Variants in THADA observed in about 807,000 individuals in gnomAD.
THADA encodes tRNA (32-2'-O)-methyltransferase regulator THADA.
In THADA, 213 loss-of-function variants were observed where a neutral mutation model predicts 219.8. The observed-to-expected ratio is 0.97, with a 90% CI of 0.87 to 1.09. THADA has a LOEUF of 1.09. Among genes scored for constraint, THADA ranks in the 50% least tolerant of loss-of-function variants. The pLI is 0.00. For missense variants in THADA, 2,956 were observed against 2,311.3 expected (o/e 1.28, Z -5.72); for synonymous variants, 1,018 against 828.9 (o/e 1.23, Z -3.92).
In THADA at chr2:43,552,180, G is replaced by T. The variant is rs199982721; in HGVS notation, c.2810+24C>A. 1.8e-4 allele frequency: 284 copies of T among 1,596,424 alleles called. 1 individual carries two copies. The highest frequency in any genetic ancestry group is 1.4e-3 in the African/African-American group (105 of 74,648). On this transcript the variant is annotated intron_variant, in intron 18 of 37. Coordinates refer to ENST00000405975, the MANE Select transcript of THADA (RefSeq NM_022065.5). The stretch of plus-strand genomic sequence containing the variant: ...CAGAAATGAATGGATTTCTGAGACA[G>T]GAGGCAGCTGTGGAAATCCTTACTT...
At chr2:43,556,868 C>T (rs145418254) in intron 16 of THADA, among the ~76,000 whole-genome samples, 2,559 of 152,242 alleles carry the variant, frequency 0.017, 24 homozygotes, top group Non-Finnish European at 0.027. Context: ...AGTCTTGAGA[C>T]CAGCCTGGGC....
At chr2:43,514,654 A>C (rs1691001006) in intron 22 of THADA, among the ~76,000 whole-genome samples, 1 of 90,936 alleles carries the variant, frequency 1.1e-5, no homozygotes, top group South Asian at 3.0e-4. Flanking sequence ...TAATATATAT[A>C]TTGTATATAA....
intron 31 of THADA, among the ~76,000 whole-genome samples, chr2:43,313,176 T>C (rs1677702006): frequency 6.6e-6 from 1 of 152,222 alleles, no homozygotes; most frequent in Admixed American, 6.5e-5. Context: ...GATTTTACCA[T>C]TTAAGCATCA....
intron 28 of THADA, among the ~76,000 whole-genome samples, chr2:43,404,257 A>G (rs970316109): frequency 6.6e-6 from 1 of 151,782 alleles, no homozygotes; most frequent in African/African-American, 2.4e-5. Flanking sequence ...CAGTGGTTTG[A>G]TCATAGCTCA....
At chr2:43,478,745 T>G (rs1685835129) in intron 26 of THADA, among the ~76,000 whole-genome samples, 1 of 152,212 alleles carries the variant, frequency 6.6e-6, no homozygotes, top group African/African-American at 2.4e-5. Context: ...AGTCAATATT[T>G]AAGAACACAA....
At chr2:43,592,938 T>G (rs1045173549) in intron 1 of THADA, 1 of 152,284 alleles carries the variant, frequency 6.6e-6, no homozygotes. Context: ...CTCTTGAGTT[T>G]GCTTTTATCG....
intron 30 of THADA, among the ~76,000 whole-genome samples, chr2:43,323,184 C>T (rs758338549): frequency 6.6e-6 from 1 of 151,986 alleles, no homozygotes; most frequent in Non-Finnish European, 1.5e-5. Flanking sequence ...CTCTGTTGCT[C>T]AGGCTGAAGT....
At chr2:43,453,620 G>A (rs538137815) in intron 26 of THADA, among the ~76,000 whole-genome samples, 2 of 152,154 alleles carry the variant, frequency 1.3e-5, no homozygotes, top group South Asian at 2.1e-4. Context: ...CCTGTTTTTG[G>A]TTTTCTCACA....
chr2:43,332,174 C>T (rs191637901), intron 30 of THADA, among the ~76,000 whole-genome samples: 1 of 152,356 alleles, frequency 6.6e-6, no homozygotes, highest in African/African-American at 2.4e-5. Context: ...CAACCTCCAA[C>T]TCCCAGGTTC....
chr2:43,235,330 G>A (rs1013036050), intron 36 of THADA, among the ~76,000 whole-genome samples: 1 of 151,014 alleles, frequency 6.6e-6, no homozygotes, highest in Non-Finnish European at 1.5e-5. Context: ...TTTCGCTCTT[G>A]TTGCCCAGGC....
At position 43,476,203 on chromosome 2, in the gene THADA, G is replaced by A. The variant is rs184929435; in HGVS notation, c.3836+9031C>T. On this transcript the variant is annotated intron_variant, in intron 26 of 37. Transcript: ENST00000405975. ...AGATATGAAGAAAAGTGTGTAGAGT[G>A]TGGAGGTGGGAACATGGGAACATAA... Among the ~76,000 whole-genome samples the A allele has an allele frequency of 5.1e-3, 782 of 152,144 alleles. 1 individual carries two copies. The highest frequency in any genetic ancestry group is 8.0e-3 in the Non-Finnish European group (543 of 67,996).
chr2:43,291,867 A>G, intron 33 of THADA, 99 bp from the exon 34 acceptor site: 1 of 1,094,612 alleles, frequency 9.1e-7, no homozygotes, highest in South Asian at 1.8e-5. Flanking sequence ...GCAGAGGTGA[A>G]TACTGAAAAT....
chr2:43,321,103 G>T (rs1678652489), intron 30 of THADA, among the ~76,000 whole-genome samples: 1 of 152,166 alleles, frequency 6.6e-6, no homozygotes, highest in Non-Finnish European at 1.5e-5. Context: ...AATATATGGA[G>T]CAGCTCTTTG....
At chr2:43,426,672 T>A (rs888870215) in intron 28 of THADA, among the ~76,000 whole-genome samples, 5 of 152,212 alleles carry the variant, frequency 3.3e-5, no homozygotes, top group African/African-American at 1.2e-4. Context: ...TGCAAGCGCA[T>A]GCCAGAACCT....
At chr2:43,362,590 C>G (rs555224726) in intron 29 of THADA, among the ~76,000 whole-genome samples, 14 of 152,240 alleles carry the variant, frequency 9.2e-5, no homozygotes, top group South Asian at 6.2e-4. Context: ...CTGGGTGAGT[C>G]AGTGAGTGAG....
At chr2:43,567,499 G>C (rs780508385) in intron 14 of THADA, among the ~76,000 whole-genome samples, 1 of 151,946 alleles carries the variant, frequency 6.6e-6, no homozygotes, top group African/African-American at 2.4e-5. Flanking sequence ...TGGTGGCAGA[G>C]GCCTGTAGTC....
At chr2:43,488,626 A>G (rs771988268) in intron 25 of THADA, among the ~76,000 whole-genome samples, 7 of 152,188 alleles carry the variant, frequency 4.6e-5, no homozygotes, top group African/African-American at 1.7e-4. Context: ...TATTATGAAT[A>G]ATTTTGCTAA....
At chr2:43,581,956 A>T (rs1247418050) in intron 7 of THADA, 28 bp from the exon 8 acceptor site, 1 of 1,475,982 alleles carries the variant, frequency 6.8e-7, no homozygotes, top group Non-Finnish European at 9.0e-7. Context: ...CATTATTACA[A>T]AAGGAAATTC....
chr2:43,385,846 TA>T (rs941197952), intron 29 of THADA, among the ~76,000 whole-genome samples: 2 of 151,484 alleles, frequency 1.3e-5, no homozygotes, highest in Non-Finnish European at 2.9e-5. Context: ...TCACAACTTT[TA>T]AAAAACCTCT....
Sources: allele counts gnomAD v4.1 joint callset (sites outside exome capture counted in the v4.1 genomes callset), GRCh38; gene constraint gnomAD v4.1.1; transcripts MANE v1.5; gene names NCBI Gene and HGNC (gene_info 2026-07-23, HGNC 2026-07-21).